The following PEX5L variants were observed in gnomAD, a reference collection of about 807,000 sequenced individuals.
PEX5L encodes peroxisomal biogenesis factor 5 like, also known as PEX5-related protein.
Under a neutral mutation model 84.0 loss-of-function variants are expected in PEX5L, and 30 were observed. The observed-to-expected ratio is 0.36, with a 90% CI of 0.27 to 0.48. PEX5L has a LOEUF of 0.48. Ranked by LOEUF, PEX5L falls within the 20% of genes least tolerant of loss-of-function variation. The pLI is 0.99. For synonymous variants in PEX5L, 270 were observed against 283.1 expected, an observed-to-expected ratio of 0.95 and a Z score of 0.46; for missense variants, 533 against 754.6, an observed-to-expected ratio of 0.71 and a Z score of 3.44.
chr3:180,015,537 TGTA>T (rs1316466693), intron 1 of PEX5L, among the ~76,000 whole-genome samples: 1 of 152,146 alleles, frequency 6.6e-6, no homozygotes, highest in Non-Finnish European at 1.5e-5. Context: ...TTATCATCAT[TGTA>T]TATTATTAAA....
intron 5 of PEX5L, among the ~76,000 whole-genome samples, chr3:179,877,681 C>A (rs1271726792): frequency 6.6e-6 from 1 of 152,108 alleles, no homozygotes; most frequent in East Asian, 1.9e-4. Flanking sequence ...TGGTCTCAAA[C>A]TCCTGGCCTC....
chr3:179,981,023 CA>C (rs4041253), intron 1 of PEX5L, among the ~76,000 whole-genome samples: 32,804 of 135,802 alleles, frequency 0.24, 3,584 homozygotes, highest in African/African-American at 0.31. Flanking sequence ...GACTCCTTCT[CA>C]AAAAAAAAAA....
intron 3 of PEX5L, among the ~76,000 whole-genome samples, chr3:179,892,170 G>A (rs967645156): frequency 6.6e-6 from 1 of 152,084 alleles, no homozygotes; most frequent in African/African-American, 2.4e-5. Flanking sequence ...TTCATTAGTT[G>A]CTAAGGCCTT....
intron 4 of PEX5L, among the ~76,000 whole-genome samples, chr3:179,882,494 A>G (rs888228550): frequency 1.3e-5 from 2 of 152,196 alleles, no homozygotes; most frequent in Non-Finnish European, 2.9e-5. Flanking sequence ...TACCCAGCTG[A>G]TGAAGGAGGT....
intron 3 of PEX5L, among the ~76,000 whole-genome samples, chr3:179,888,587 T>C (rs1756631003): frequency 6.6e-6 from 1 of 152,146 alleles, no homozygotes; most frequent in African/African-American, 2.4e-5. Flanking sequence ...GTTATGTTTC[T>C]ACGGTTAAGG....
At chr3:179,859,004 T>C in intron 8 of PEX5L, 58 bp downstream of exon 8, 1 of 1,105,344 alleles carries the variant, frequency 9.0e-7, no homozygotes. Context: ...AAGTTTGATT[T>C]TTCAAATGCC....
chr3:180,028,961 C>A (rs965168419), intron 1 of PEX5L, among the ~76,000 whole-genome samples: 4 of 152,138 alleles, frequency 2.6e-5, no homozygotes, highest in African/African-American at 9.7e-5. Flanking sequence ...GAAGCTAATG[C>A]ACTTTTAGGC....
At chr3:179,976,002 C>T (rs1211950203) in intron 1 of PEX5L, among the ~76,000 whole-genome samples, 1 of 152,130 alleles carries the variant, frequency 6.6e-6, no homozygotes, top group Non-Finnish European at 1.5e-5. Flanking sequence ...GAGATAAGGG[C>T]AGTGCATATA....
At chr3:180,019,455 T>A (rs993729862) in intron 1 of PEX5L, among the ~76,000 whole-genome samples, 3 of 152,226 alleles carry the variant, frequency 2.0e-5, no homozygotes, top group African/African-American at 7.2e-5. Context: ...TTTTAGCCTC[T>A]GGTTTCTACT....
chr3:179,966,422 T>C (rs1017559607), intron 2 of PEX5L, among the ~76,000 whole-genome samples: 3 of 152,140 alleles, frequency 2.0e-5, no homozygotes, highest in African/African-American at 4.8e-5. Context: ...AGTCACCACA[T>C]TGATATGACC....
intron 2 of PEX5L, chr3:179,900,632 A>G (rs1194127937): frequency 7.3e-7 from 1 of 1,374,190 alleles, no homozygotes; most frequent in South Asian, 1.2e-5. Flanking sequence ...TACAATAAAT[A>G]CATGCGGTGC....
chr3:179,919,746 A>C (rs570000299), intron 2 of PEX5L, among the ~76,000 whole-genome samples: 3 of 152,312 alleles, frequency 2.0e-5, no homozygotes, highest in African/African-American at 7.2e-5. Context: ...ACTGTCACCC[A>C]GGCTGGAGTG....
intron 3 of PEX5L, among the ~76,000 whole-genome samples, chr3:179,892,812 A>G (rs902940485): frequency 8.5e-5 from 13 of 152,118 alleles, no homozygotes; most frequent in African/African-American, 3.1e-4. Context: ...AGAATGCCTA[A>G]TGAAAAAAAA....
At chr3:179,946,473 G>GA (rs902116450) in intron 2 of PEX5L, among the ~76,000 whole-genome samples, 15 of 152,110 alleles carry the variant, frequency 9.9e-5, no homozygotes, top group Non-Finnish European at 7.4e-5. Flanking sequence ...ACTGAAGAAA[G>GA]AAAAAACATA....
intron 2 of PEX5L, among the ~76,000 whole-genome samples, chr3:179,933,084 T>TGA (rs1773557396): frequency 6.6e-6 from 1 of 152,156 alleles, no homozygotes; most frequent in Non-Finnish European, 1.5e-5. Context: ...TTTTTTAGAT[T>TGA]CCACATATAA....
intron 1 of PEX5L, among the ~76,000 whole-genome samples, chr3:180,019,508 A>C (rs960316633): frequency 3.3e-5 from 5 of 152,172 alleles, no homozygotes; most frequent in Non-Finnish European, 7.3e-5. Context: ...GCAAACAGGC[A>C]ATTTCAGTGA....
intron 8 of PEX5L, among the ~76,000 whole-genome samples, chr3:179,850,597 A>G (rs564430224): frequency 1.3e-5 from 2 of 152,328 alleles, no homozygotes; most frequent in East Asian, 3.9e-4. Flanking sequence ...CATTTTCCCA[A>G]TGAACTCACA....
At chr3:179,958,643 T>G (rs1781221746) in intron 2 of PEX5L, among the ~76,000 whole-genome samples, 1 of 152,176 alleles carries the variant, frequency 6.6e-6, no homozygotes, top group Non-Finnish European at 1.5e-5. Flanking sequence ...TTGTTACAAT[T>G]TGTTTTACAG....
intron 2 of PEX5L, among the ~76,000 whole-genome samples, chr3:179,909,855 G>A (rs1400296034): frequency 1.3e-5 from 2 of 152,182 alleles, no homozygotes; most frequent in African/African-American, 2.4e-5. Flanking sequence ...CAGCCAAGGA[G>A]GGAGGCCTCT....
Sources: allele counts gnomAD v4.1 joint callset (sites outside exome capture counted in the v4.1 genomes callset), GRCh38; gene constraint gnomAD v4.1.1; transcripts MANE v1.5; gene names NCBI Gene and HGNC (gene_info 2026-07-23, HGNC 2026-07-21).